The following KATNAL1 variants were observed in gnomAD, a reference collection of about 807,000 sequenced individuals.
The protein encoded by KATNAL1 is katanin p60 ATPase-containing subunit A-like 1.
In KATNAL1, 32 loss-of-function variants were observed where a neutral mutation model predicts 55.2. The ratio of observed to expected loss-of-function variants is 0.58; its 90% CI spans 0.44 to 0.78. KATNAL1 has a LOEUF of 0.78. Among genes scored for constraint, KATNAL1 ranks in the 30% least tolerant of loss-of-function variants. The pLI, the probability that KATNAL1 is intolerant of heterozygous loss-of-function variation, is 0.00. For missense variants in KATNAL1, 466 were observed against 600.9 expected, an observed-to-expected ratio of 0.78 and a Z score of 2.35; for synonymous variants, 193 against 193.6, an observed-to-expected ratio of 1.00 and a Z score of 0.02.
intron 2 of KATNAL1, 148 bp from the exon 3 acceptor site, chr13:30,280,371 T>G: frequency 1.7e-6 from 1 of 576,054 alleles, no homozygotes; most frequent in Non-Finnish European, 2.8e-6. Flanking sequence ...AAGAACTATT[T>G]CAAGTAATAC....
At chr13:30,263,178 G>C (rs946833745) in intron 3 of KATNAL1, among the ~76,000 whole-genome samples, 10 of 152,120 alleles carry the variant, frequency 6.6e-5, no homozygotes, top group Non-Finnish European at 1.3e-4. Flanking sequence ...AACGCTTCAT[G>C]CTAAAAACTC....
At chr13:30,283,872 AACT>A (rs1881591240) in intron 1 of KATNAL1, 81 bp from the exon 2 acceptor site, 5 of 1,029,980 alleles carry the variant, frequency 4.9e-6, no homozygotes, top group Non-Finnish European at 6.8e-6. Context: ...ATATGTTTAA[AACT>A]ACTTTTTTTT....
intron 4 of KATNAL1, among the ~76,000 whole-genome samples, chr13:30,243,151 T>C (rs1198841923): frequency 2.6e-5 from 4 of 152,250 alleles, no homozygotes; most frequent in Non-Finnish European, 5.9e-5. Flanking sequence ...ATTTGATTTT[T>C]AGCATGAAGG....
intron 1 of KATNAL1, among the ~76,000 whole-genome samples, chr13:30,304,910 AC>A (rs1342299240): frequency 6.6e-6 from 1 of 152,134 alleles, no homozygotes; most frequent in Non-Finnish European, 1.5e-5. Context: ...TCCAAATCTA[AC>A]TCCCAACATC....
At chr13:30,305,550 CG>C (rs1883124459) in intron 1 of KATNAL1, among the ~76,000 whole-genome samples, 1 of 152,218 alleles carries the variant, frequency 6.6e-6, no homozygotes, top group African/African-American at 2.4e-5. Flanking sequence ...CAGGTTCACA[CG>C]TTACCAGCTA....
intron 9 of KATNAL1, among the ~76,000 whole-genome samples, chr13:30,214,345 G>T (rs1873995301): frequency 2.0e-5 from 3 of 152,072 alleles, no homozygotes; most frequent in African/African-American, 7.2e-5. Flanking sequence ...TGGCCATACT[G>T]CCCAAGGTAA....
intron 3 of KATNAL1, among the ~76,000 whole-genome samples, chr13:30,270,013 G>A (rs1238121851): frequency 1.4e-5 from 2 of 143,668 alleles, no homozygotes; most frequent in African/African-American, 2.6e-5. Flanking sequence ...CGCCCCGTCC[G>A]GGAGGGAGGT....
chr13:30,279,117 T>C (rs1410618591), intron 3 of KATNAL1, among the ~76,000 whole-genome samples: 1 of 152,192 alleles, frequency 6.6e-6, no homozygotes, highest in Non-Finnish European at 1.5e-5. Context: ...CTGGCCATAA[T>C]AAAGCAGACA....
chr13:30,223,210 C>T (rs919694993), intron 9 of KATNAL1, among the ~76,000 whole-genome samples: 11 of 150,684 alleles, frequency 7.3e-5, no homozygotes, highest in Admixed American at 1.3e-4. Flanking sequence ...GAGGCCAAGG[C>T]GGGCGGATCA....
At chr13:30,277,555 G>A (rs577134945) in intron 3 of KATNAL1, among the ~76,000 whole-genome samples, 8 of 152,298 alleles carry the variant, frequency 5.3e-5, no homozygotes, top group South Asian at 2.1e-4. Context: ...GTGACCTGGA[G>A]AAGAAACGAA....
chr13:30,239,685 ATTTT>A (rs35752433), intron 6 of KATNAL1, among the ~76,000 whole-genome samples: 2 of 99,046 alleles, frequency 2.0e-5, no homozygotes, highest in Admixed American at 1.2e-4. Flanking sequence ...TACAGAAGTG[ATTTT>A]TTTTTTTTTT....
intron 8 of KATNAL1, 73 bp downstream of exon 8, chr13:30,230,395 C>A (rs958188827): frequency 1.5e-6 from 2 of 1,357,594 alleles, no homozygotes; most frequent in Non-Finnish European, 1.0e-6. Flanking sequence ...CCTTCTAATC[C>A]ATCCATTGAT....
intron 3 of KATNAL1, among the ~76,000 whole-genome samples, chr13:30,278,068 T>C (rs1880997458): frequency 6.6e-6 from 1 of 151,858 alleles, no homozygotes; most frequent in African/African-American, 2.4e-5. Context: ...CCCACTGTTG[T>C]TGCTTACATA....
intron 3 of KATNAL1, among the ~76,000 whole-genome samples, chr13:30,274,030 C>T (rs750812003): frequency 6.6e-5 from 10 of 152,228 alleles, no homozygotes; most frequent in Middle Eastern, 3.4e-3. Context: ...GTATGTGGGA[C>T]GGCACCAGGC....
chr13:30,305,686 T>C (rs1341841837), intron 1 of KATNAL1, among the ~76,000 whole-genome samples: 2 of 152,236 alleles, frequency 1.3e-5, no homozygotes, highest in South Asian at 2.1e-4. Context: ...ACCTGACATA[T>C]TCAATAAATG....
chr13:30,225,647 T>TAC (rs57630828), intron 9 of KATNAL1, among the ~76,000 whole-genome samples: 14,773 of 146,532 alleles, frequency 0.1, 833 homozygotes, highest in East Asian at 0.22. Flanking sequence ...ATGACTCATC[T>TAC]ACACACACAC....
chr13:30,240,316 T>C (rs1877135199), intron 6 of KATNAL1, 144 bp downstream of exon 6: 2 of 596,460 alleles, frequency 3.4e-6, no homozygotes, highest in East Asian at 5.6e-5. Context: ...AACTACAAAT[T>C]CAAATCCAGG....
At chr13:30,227,113 A>ACTCTCT (rs71093031) in intron 9 of KATNAL1, among the ~76,000 whole-genome samples, 3 of 151,224 alleles carry the variant, frequency 2.0e-5, no homozygotes, top group East Asian at 1.9e-4. Context: ...ACACACACAC[A>ACTCTCT]CTCTCTCTCT....
At chr13:30,257,255 TATAA>T (rs1878873842) in intron 3 of KATNAL1, among the ~76,000 whole-genome samples, 2 of 152,314 alleles carry the variant, frequency 1.3e-5, no homozygotes, top group Non-Finnish European at 2.9e-5. Context: ...CTTGTGTACA[TATAA>T]ATGTCTTTCC....
Sources: gnomAD v4.1 joint callset for allele counts (sites outside exome capture counted in the v4.1 genomes callset) on GRCh38, gnomAD v4.1.1 for gene constraint, MANE v1.5 for transcripts, NCBI Gene and HGNC (gene_info 2026-07-23, HGNC 2026-07-21) for gene names.